Variants in PPP4R3B observed in about 807,000 individuals in gnomAD.
PPP4R3B encodes the protein protein phosphatase 4 regulatory subunit 3B, also known as serine/threonine-protein phosphatase 4 regulatory subunit 3B.
In PPP4R3B, 52 loss-of-function variants were observed where a neutral mutation model predicts 95.4. The observed-to-expected ratio is 0.54, with a 90% CI of 0.44 to 0.69. The LOEUF (loss-of-function observed/expected upper bound fraction) is 0.69, where lower values mean the gene tolerates loss of function less well. Among genes scored for constraint, PPP4R3B ranks in the 30% least tolerant of loss-of-function variants. PPP4R3B has a pLI of 0.00. For missense variants in PPP4R3B, 1,003 were observed against 1,005.9 expected (o/e 1.00, Z 0.04); for synonymous variants, 407 against 343.9 (o/e 1.18, Z -2.03).
rs556700512 is a variant in PPP4R3B at position 55,565,837 on chromosome 2, TG to T, written c.1936-797del. 5.3e-3 allele frequency: 874 copies of T among 164,112 alleles called. 6 individuals carry two copies. Among genetic ancestry groups the T allele is most frequent in the Non-Finnish European group, 9.2e-3 (678 of 73,456 alleles). 10.2% of individuals were successfully genotyped at this position (164,112 alleles called of 1,614,324 possible). ...CTCAAGCCTTTCCCACATCAGAGGC[TG>T]GCTTTCACACACACAGAAGAAGAAA... On this transcript the variant is annotated intron_variant, in intron 13 of 16. Transcript: ENST00000616407.
intron 12 of PPP4R3B, among the ~76,000 whole-genome samples, chr2:55,571,703 G>A (rs1439802033): frequency 6.6e-6 from 1 of 152,162 alleles, no homozygotes; most frequent in African/African-American, 2.4e-5. Context: ...TCAGCTCACT[G>A]CAACCCCCGT....
intron 2 of PPP4R3B, among the ~76,000 whole-genome samples, chr2:55,613,774 T>C (rs1022224803): frequency 1.3e-5 from 2 of 150,946 alleles, no homozygotes; most frequent in Admixed American, 6.6e-5. Flanking sequence ...ACAAAGTTCC[T>C]GATAATTATA....
intron 2 of PPP4R3B, chr2:55,614,756 T>C (rs1694665693): frequency 6.6e-6 from 1 of 152,228 alleles, no homozygotes; most frequent in Admixed American, 6.5e-5. Flanking sequence ...TTGTTAAATC[T>C]GGTGGTGTTA....
At chr2:55,571,970 A>G (rs1467017636) in intron 12 of PPP4R3B, among the ~76,000 whole-genome samples, 1 of 152,230 alleles carries the variant, frequency 6.6e-6, no homozygotes, top group African/African-American at 2.4e-5. Flanking sequence ...CCAGAAATAA[A>G]ACAAAAGTAT....
rs563278447 is a variant in PPP4R3B at position 55,586,232 on chromosome 2, A to G, written c.1116+386T>C. Among the ~76,000 whole-genome samples the G allele has an allele frequency of 8.5e-5, 13 of 152,322 alleles. No homozygotes were observed. The South Asian group carries it at 2.5e-3, about 29-fold the overall frequency. ...TTAATTTTCCATAAAGTAAATACCA[A>G]TAGATAAAACTCATATAAACAAAAC... On this transcript the variant is annotated intron_variant, in intron 6 of 16. Coordinates refer to ENST00000616407, the MANE Select transcript of PPP4R3B (RefSeq NM_001122964.3).
intron 12 of PPP4R3B, among the ~76,000 whole-genome samples, chr2:55,572,303 A>C (rs978874406): frequency 1.6e-4 from 24 of 152,204 alleles, no homozygotes; most frequent in Non-Finnish European, 5.9e-5. Flanking sequence ...GGAAATTTTA[A>C]AGTTATCTGG....
intron 14 of PPP4R3B, 21 bp downstream of exon 14, chr2:55,564,881 A>G (rs1459876198): frequency 1.2e-6 from 2 of 1,601,512 alleles, no homozygotes; most frequent in Admixed American, 1.8e-5. Context: ...AGGCTATAAA[A>G]GCAGTATACT....
In PPP4R3B at chr2:55,564,357, T is replaced by A; in HGVS notation, c.2216A>T (p.Asp739Val). 1 of 1,613,514 alleles carries A rather than the reference T, an allele frequency of 6.2e-7. No individual in the cohort carries two copies. The highest frequency in any genetic ancestry group is 8.5e-7 in the Non-Finnish European group (1 of 1,179,826). ...CTTTTCATAATTATCTGGAAAATCA[T>A]CTTCTGGCTTAGGTTTTTCCACTGG... ...VAPVEKPKPE[D>V]DFPDNYEKFM... The change falls in exon 15 of 17, where the codon GAT becomes GTT. Residue 739 changes from aspartate (D) to valine (V), a missense_variant. Around this residue, in one of 3 missense-constraint regions of PPP4R3B, gnomAD observed 229 missense variants for 194.7 expected, o/e 1.18. Transcript: ENST00000616407.
At chr2:55,564,878 A>G in intron 14 of PPP4R3B, 24 bp downstream of exon 14, 3 of 1,600,108 alleles carry the variant, frequency 1.9e-6, no homozygotes, top group Non-Finnish European at 2.5e-6. Flanking sequence ...TGTAGGCTAT[A>G]AAAGCAGTAT....
intron 4 of PPP4R3B, among the ~76,000 whole-genome samples, chr2:55,597,474 T>C (rs1217831417): frequency 6.6e-6 from 1 of 151,886 alleles, no homozygotes; most frequent in Non-Finnish European, 1.5e-5. Flanking sequence ...CACAAAAAAT[T>C]AGCTGGGCGT....
At position 55,575,832 on chromosome 2, in the gene PPP4R3B, G is replaced by C. The variant is rs148274995; in HGVS notation, c.1606+1483C>G. Among the ~76,000 whole-genome samples, 271 of 152,272 alleles carry C rather than the reference G, an allele frequency of 1.8e-3. 1 individual carries two copies. The highest frequency in any genetic ancestry group is 4.6e-3 in the East Asian group (24 of 5,192). On this transcript the variant is annotated intron_variant, in intron 11 of 16. Coordinates refer to ENST00000616407, the MANE Select transcript of PPP4R3B (RefSeq NM_001122964.3). ...ATCATCTAGTACAACTATTTTATTT[G>C]AGATTATATACATAAATATTTTGGG... is the stretch of plus-strand genomic sequence containing the variant.
chr2:55,599,999 T>C (rs1237502588), intron 3 of PPP4R3B, among the ~76,000 whole-genome samples: 1 of 152,222 alleles, frequency 6.6e-6, no homozygotes, highest in East Asian at 1.9e-4. Context: ...GCTAAACATA[T>C]AAAAATTATC....
chr2:55,548,022 G>C lies in PPP4R3B; in HGVS notation c.*1889C>G, dbSNP rs1260824065. 1 of 152,214 alleles carries C rather than the reference G, an allele frequency of 6.6e-6. No individual in the cohort carries two copies. Among genetic ancestry groups the C allele is most frequent in the Non-Finnish European group, 1.5e-5 (1 of 68,028 alleles). 9.4% of individuals were successfully genotyped at this position (152,214 alleles called of 1,614,324 possible). A position where few individuals can be genotyped will look rare whatever the true frequency, so the allele number is the denominator to read the frequency against. On this transcript the variant is annotated 3_prime_UTR_variant, in exon 17 of 17. Coordinates refer to ENST00000616407, the MANE Select transcript of PPP4R3B (RefSeq NM_001122964.3). ...TCTCGATAAAATTTGATGATTCAAA[G>C]AAAGTGGATGGGAACTTTACTGATC...
intron 2 of PPP4R3B, chr2:55,615,043 C>T (rs1572762004): frequency 6.4e-6 from 1 of 156,130 alleles, no homozygotes; most frequent in South Asian, 1.9e-4. Context: ...TACTTCAAAA[C>T]CTCTACCTTT....
rs867965560 is a variant in PPP4R3B at position 55,558,341 on chromosome 2, A to C, written c.2454+434T>G. On this transcript the variant is annotated intron_variant, in intron 16 of 16. Coordinates refer to ENST00000616407, the MANE Select transcript of PPP4R3B (RefSeq NM_001122964.3). ...GAAGGATGCTTACATTTATTATCAT[A>C]AGCCTAAATAAAATGAAATTCTCTT... Among the ~76,000 whole-genome samples, 85 of 150,682 alleles carry C rather than the reference A, an allele frequency of 5.6e-4. No individual in the cohort carries two copies. In the Middle Eastern group the frequency reaches 0.01, roughly 18 times the overall value.
intron 16 of PPP4R3B, among the ~76,000 whole-genome samples, chr2:55,553,618 C>T (rs779828873): frequency 9.2e-5 from 14 of 151,988 alleles, no homozygotes; most frequent in Non-Finnish European, 1.5e-4. Flanking sequence ...CCACCCCCCA[C>T]ACCACCCAGC....
intron 4 of PPP4R3B, chr2:55,591,701 T>G: frequency 1.0e-6 from 1 of 971,036 alleles, no homozygotes; most frequent in Non-Finnish European, 1.2e-6. Flanking sequence ...TAGAACTGCA[T>G]AAAATATTAC....
chr2:55,549,138 G>A lies in PPP4R3B; in HGVS notation c.*773C>T, dbSNP rs1684980988. On this transcript the variant is annotated 3_prime_UTR_variant, in exon 17 of 17. Transcript: ENST00000616407. ...CAAAAGATTGTACTGGTAGGCGGTTGACAACATTCTGTTCGATCTACTTTC... is the reference window on the plus strand; with the variant it reads ...CAAAAGATTGTACTGGTAGGCGGTTAACAACATTCTGTTCGATCTACTTTC... 2 of 152,262 alleles carry A rather than the reference G, an allele frequency of 1.3e-5. No individual in the cohort carries two copies. Among genetic ancestry groups the A allele is most frequent in the South Asian group, 2.1e-4 (1 of 4,836 alleles). The allele number at this position is 152,262 out of a possible 1,614,324, so 9.4% of individuals were successfully genotyped here. A position where few individuals can be genotyped will look rare whatever the true frequency, so the allele number is the denominator to read the frequency against.
intron 15 of PPP4R3B, 55 bp downstream of exon 15, chr2:55,564,254 AAAAT>A: frequency 1.4e-6 from 2 of 1,416,864 alleles, no homozygotes; most frequent in Non-Finnish European, 1.9e-6. Flanking sequence ...ACAAAGCAAC[AAAAT>A]AATTTCTGCA....
Sources: gnomAD v4.1 joint callset for allele counts (sites outside exome capture counted in the v4.1 genomes callset) on GRCh38, gnomAD v4.1.1 for gene constraint, gnomAD v4.1.1 regional missense constraint, MANE v1.5 for transcripts, NCBI Gene and HGNC (gene_info 2026-07-23, HGNC 2026-07-21) for gene names.